SPHKAP: variants seen among roughly 807,000 people sequenced by gnomAD.
SPHKAP encodes the protein SPHK1 interactor, AKAP domain containing.
In SPHKAP, 67 loss-of-function variants were observed where a neutral mutation model predicts 137.5. That is an observed-to-expected ratio of 0.49 (90% CI 0.40 to 0.60). SPHKAP has a LOEUF of 0.60. SPHKAP is among the 20% of genes least tolerant of loss of function. The pLI is 0.00. For synonymous variants in SPHKAP, 813 were observed against 785.3 expected, an observed-to-expected ratio of 1.04 and a Z score of -0.59; for missense variants, 2,097 against 2,069.3, an observed-to-expected ratio of 1.01 and a Z score of -0.26.
chr2:228,154,009 A>G (rs1391097445), intron 1 of SPHKAP, among the ~76,000 whole-genome samples: 2 of 152,214 alleles, frequency 1.3e-5, no homozygotes, highest in Non-Finnish European at 2.9e-5. Flanking sequence ...GGCAAATAGG[A>G]TGTCAATCTT....
chr2:227,996,180 G>A, intron 7 of SPHKAP: 1 of 969,304 alleles, frequency 1.0e-6, no homozygotes, highest in Non-Finnish European at 1.2e-6. Flanking sequence ...CACTGACTTG[G>A]TAAAAAGCAA....
intron 3 of SPHKAP, among the ~76,000 whole-genome samples, chr2:228,058,245 T>C (rs751554309): frequency 8.5e-5 from 13 of 152,202 alleles, no homozygotes; most frequent in African/African-American, 2.9e-4. Context: ...TTTTTGGCAA[T>C]GTCTAGAGAA....
At position 228,181,289 on chromosome 2, in the gene SPHKAP, G is replaced by A. The variant is rs1381971909; in HGVS notation, c.32+278C>T. On this transcript the variant is annotated intron_variant, in intron 1 of 11. Coordinates refer to ENST00000392056, the MANE Select transcript of SPHKAP (RefSeq NM_001142644.2). This position sits in a 1 kb window ranked among gnomAD's most constrained non-coding sequence, Gnocchi z 4.3. ...TCCACCTAGGGCAGAGCAGACCTCC[G>A]TCCCTGGGCCTTAGAGGCGGGCACG... Among the ~76,000 whole-genome samples, 1 of 152,150 alleles carries A rather than the reference G, an allele frequency of 6.6e-6. No individual in the cohort carries two copies. The highest frequency in any genetic ancestry group is 1.5e-5 in the Non-Finnish European group (1 of 68,030).
chr2:227,995,628 C>T lies in SPHKAP; in HGVS notation c.4515G>A (p.Glu1505=). The T allele has an allele frequency of 6.2e-7, 1 of 1,613,768 alleles. No homozygotes were observed. Among genetic ancestry groups the T allele is most frequent in the Middle Eastern group, 1.6e-4 (1 of 6,062 alleles). ...CGCTGCTGCTTGGAGGGTTGGGGGC[C>T]TCATCGGGGGCTCTGGCTTCTGTGG... ...EASTEARAPD[E]APNPPSSSEE... is the part of the protein sequence containing the mutation. The change falls in exon 8 of 12, where the codon GAG becomes GAA. Residue 1505 remains glutamate, a synonymous_variant. Transcript: ENST00000392056.
chr2:228,025,967 G>A (rs1235325366), intron 4 of SPHKAP: 2 of 557,466 alleles, frequency 3.6e-6, no homozygotes, highest in South Asian at 8.0e-5. Context: ...GTTGTGGGAG[G>A]GACCTGGTGG....
chr2:228,088,332 T>C (rs1046312080), intron 3 of SPHKAP, among the ~76,000 whole-genome samples: 1 of 152,172 alleles, frequency 6.6e-6, no homozygotes, highest in Non-Finnish European at 1.5e-5. Context: ...GAAATAAGTT[T>C]ATATATATCT....
intron 1 of SPHKAP, among the ~76,000 whole-genome samples, chr2:228,151,572 C>G (rs1699931964): frequency 6.6e-6 from 1 of 152,092 alleles, no homozygotes; most frequent in African/African-American, 2.4e-5. Context: ...GTTCCTATTT[C>G]TCCACATCCT....
At chr2:228,027,415 T>C in intron 4 of SPHKAP, 69 bp downstream of exon 4, 1 of 1,495,040 alleles carries the variant, frequency 6.7e-7, no homozygotes, top group South Asian at 1.2e-5. Context: ...ATGAGCATTA[T>C]TTACAGATGA....
rs1352394092 is a variant in SPHKAP at position 228,110,928 on chromosome 2, T to C, written c.139-1989A>G. On this transcript the variant is annotated intron_variant, in intron 2 of 11. Coordinates refer to ENST00000392056, the MANE Select transcript of SPHKAP (RefSeq NM_001142644.2). Reference sequence around the variant, plus strand: ...AATAACAAATTCTTATTTATTTAATTTAAATTCTGTTTTATTTGAAAATAA... The same window carrying C: ...AATAACAAATTCTTATTTATTTAATCTAAATTCTGTTTTATTTGAAAATAA... Among the ~76,000 whole-genome samples, 3 of 152,152 alleles carry C rather than the reference T, an allele frequency of 2.0e-5. No individual in the cohort carries two copies. The East Asian group carries it at 5.8e-4, about 29-fold the overall frequency.
chr2:227,994,055 C>T (rs560114205), intron 8 of SPHKAP: 1 of 985,300 alleles, frequency 1.0e-6, no homozygotes, highest in Non-Finnish European at 1.2e-6. Context: ...CCAGTTTTGA[C>T]AGAAACCAGT....
intron 3 of SPHKAP, among the ~76,000 whole-genome samples, chr2:228,044,745 A>C (rs1486838693): frequency 1.3e-5 from 2 of 152,228 alleles, no homozygotes; most frequent in East Asian, 1.9e-4. Flanking sequence ...CTAGTTTTTC[A>C]TATTTGTTTC....
At chr2:228,053,444 T>C (rs1380257935) in intron 3 of SPHKAP, among the ~76,000 whole-genome samples, 1 of 152,228 alleles carries the variant, frequency 6.6e-6, no homozygotes, top group Admixed American at 6.5e-5. Flanking sequence ...AGAGGAATTC[T>C]TTAATTTATT....
intron 1 of SPHKAP, among the ~76,000 whole-genome samples, chr2:228,150,617 T>G (rs144444347): frequency 4.6e-4 from 68 of 148,988 alleles, no homozygotes; most frequent in African/African-American, 1.6e-3. Flanking sequence ...TCTATAATGA[T>G]GTTTACTTTT....
chr2:228,168,347 G>A (rs770175409), intron 1 of SPHKAP, among the ~76,000 whole-genome samples: 17 of 152,210 alleles, frequency 1.1e-4, no homozygotes, highest in Non-Finnish European at 2.1e-4. Flanking sequence ...ATAAATGGAA[G>A]GTTTGTTGAA....
chr2:228,016,030 AG>A (rs1265126183), intron 7 of SPHKAP, among the ~76,000 whole-genome samples: 1 of 152,198 alleles, frequency 6.6e-6, no homozygotes, highest in Non-Finnish European at 1.5e-5. Context: ...AGGAAACCGT[AG>A]GAGATTAATT....
chr2:228,100,111 A>T (rs1201119648), intron 3 of SPHKAP, among the ~76,000 whole-genome samples: 1 of 152,016 alleles, frequency 6.6e-6, no homozygotes, highest in African/African-American at 2.4e-5. Context: ...CGGCCTCCCA[A>T]AGTGCTGGGA....
intron 2 of SPHKAP, among the ~76,000 whole-genome samples, chr2:228,126,731 T>C (rs911651765): frequency 6.6e-6 from 1 of 152,120 alleles, no homozygotes; most frequent in Non-Finnish European, 1.5e-5. Flanking sequence ...AAATATATAT[T>C]GAAGAGTTCC....
intron 3 of SPHKAP, among the ~76,000 whole-genome samples, chr2:228,080,600 A>G (rs1296174000): frequency 6.6e-6 from 1 of 152,092 alleles, no homozygotes; most frequent in Non-Finnish European, 1.5e-5. Context: ...CCAGCTACTC[A>G]GGAGGCTGAG....
chr2:228,024,790 C>T (rs557074689), intron 5 of SPHKAP, among the ~76,000 whole-genome samples: 1 of 152,038 alleles, frequency 6.6e-6, no homozygotes, highest in African/African-American at 2.4e-5. Flanking sequence ...ACTTACATAT[C>T]TTTAAATAAA....
Sources: gnomAD v4.1 joint callset for allele counts (sites outside exome capture counted in the v4.1 genomes callset) on GRCh38, gnomAD v4.1.1 for gene constraint, Gnocchi (gnomAD v3.1) non-coding constraint, MANE v1.5 for transcripts, NCBI Gene and HGNC (gene_info 2026-07-23, HGNC 2026-07-21) for gene names.